The following CSMD1 variants were observed in gnomAD, a reference collection of about 807,000 sequenced individuals.
CSMD1 encodes the protein CUB and sushi domain-containing protein 1.
In CSMD1, 213 loss-of-function variants were observed where a neutral mutation model predicts 417.5. The observed-to-expected ratio is 0.51, with a 90% confidence interval of 0.46 to 0.57. CSMD1 has a LOEUF of 0.57. CSMD1 is among the 20% of genes least tolerant of loss of function. The pLI is 0.00. For synonymous variants in CSMD1, 2,862 were observed against 1,736.8 expected (o/e 1.65, Z -16.11); for missense variants, 6,923 against 4,529.7 (o/e 1.53, Z -15.17).
At chr8:4,113,545 C>T (rs1032306044) in intron 3 of CSMD1, among the ~76,000 whole-genome samples, 1 of 152,036 alleles carries the variant, frequency 6.6e-6, no homozygotes, top group African/African-American at 2.4e-5. Flanking sequence ...GCTGGGATTA[C>T]AGGCACGTGC....
intron 3 of CSMD1, among the ~76,000 whole-genome samples, chr8:4,334,808 C>T (rs1478074272): frequency 6.6e-6 from 1 of 152,154 alleles, no homozygotes; most frequent in East Asian, 1.9e-4. Context: ...TGACAAAATG[C>T]CATATATTCG....
rs34791623 is a variant in CSMD1, at chr8:4,510,390, T to TAAAAAAAAAAA, written c.303-90336_303-90326dup. On this transcript the variant is annotated intron_variant, in intron 2 of 69. Transcript: ENST00000635120. ...GTAGACAATTAAAAAGCATAATGCC[T>TAAAAAAAAAAA]AAAAAAAAAAAAAAAAAAAAAAAAA... Among the ~76,000 whole-genome samples, 78 of 54,634 alleles carry TAAAAAAAAAAA rather than the reference T, an allele frequency of 1.4e-3. 7 individuals are homozygous for TAAAAAAAAAAA. The highest frequency in any genetic ancestry group is 1.8e-3 in the East Asian group (3 of 1,624). The allele number at this position is 54,634 out of a possible 152,430, so 35.8% of individuals were successfully genotyped here. A position where few individuals can be genotyped will look rare whatever the true frequency, so the allele number is the denominator to read the frequency against.
chr8:4,669,265 CCT>C lies in CSMD1; in HGVS notation c.86-31709_86-31708del, dbSNP rs552157918. Reference sequence around the variant, plus strand: ...TAGACATATTTACTACTGATTTTTACCTCTGTTATCGTTTATATTTATTCACT... The same window carrying C: ...TAGACATATTTACTACTGATTTTTACCTGTTATCGTTTATATTTATTCACT... On this transcript the variant is annotated intron_variant, in intron 1 of 69. Transcript: ENST00000635120. Among the ~76,000 whole-genome samples the C allele has an allele frequency of 2.7e-3, 408 of 152,246 alleles. 1 individual carries two copies. The highest frequency in any genetic ancestry group is 4.4e-3 in the Non-Finnish European group (300 of 68,008).
chr8:3,178,849 T>A (rs1353998450), intron 37 of CSMD1, among the ~76,000 whole-genome samples: 1 of 152,062 alleles, frequency 6.6e-6, no homozygotes, highest in Non-Finnish European at 1.5e-5. Context: ...ATTTAAGATA[T>A]CAGAAAATCT....
intron 1 of CSMD1, among the ~76,000 whole-genome samples, chr8:4,733,362 T>C (rs762489410): frequency 4.6e-5 from 7 of 152,222 alleles, no homozygotes; most frequent in Admixed American, 3.3e-4. Flanking sequence ...AAGAGCCTTT[T>C]ACCCTAGCAG....
chr8:4,187,613 T>A (rs1377578100), intron 3 of CSMD1, among the ~76,000 whole-genome samples: 6 of 137,932 alleles, frequency 4.3e-5, no homozygotes, highest in African/African-American at 1.1e-4. Context: ...GATGTGGAGG[T>A]TGCAGTGAGC....
intron 3 of CSMD1, among the ~76,000 whole-genome samples, chr8:4,378,492 C>G (rs1442345664): frequency 1.3e-5 from 2 of 151,722 alleles, no homozygotes; most frequent in African/African-American, 2.4e-5. Context: ...TCCCCTTTAT[C>G]TCTCTCTCTC....
At chr8:3,402,248 C>G (rs758604354) in intron 15 of CSMD1, among the ~76,000 whole-genome samples, 1 of 152,092 alleles carries the variant, frequency 6.6e-6, no homozygotes, top group Non-Finnish European at 1.5e-5. Flanking sequence ...TTTCAATGTT[C>G]AATCCTTAAT....
chr8:4,126,679 A>T (rs1283552945), intron 3 of CSMD1, among the ~76,000 whole-genome samples: 2 of 152,160 alleles, frequency 1.3e-5, no homozygotes, highest in African/African-American at 2.4e-5. Flanking sequence ...CTGAGGGTTT[A>T]TTAATCATTG....
intron 1 of CSMD1, among the ~76,000 whole-genome samples, chr8:4,825,276 C>A (rs1799759724): frequency 6.6e-6 from 1 of 152,064 alleles, no homozygotes; most frequent in Non-Finnish European, 1.5e-5. Flanking sequence ...GACACAATCA[C>A]CCCACTCAAG....
At chr8:3,850,903 T>C (rs1002416170) in intron 5 of CSMD1, among the ~76,000 whole-genome samples, 1 of 151,770 alleles carries the variant, frequency 6.6e-6, no homozygotes. Flanking sequence ...GGAAACAGAG[T>C]TTAAAGTTTT....
chr8:3,138,814 A>G lies in CSMD1; in HGVS notation c.6241+3651T>C, dbSNP rs1044662047. ...GAAATAAGAGCTTAGCCAGAGAGAC[A>G]GCAGATCCTTATAGATGTTGAACGA... On this transcript the variant is annotated intron_variant, in intron 41 of 69. Transcript: ENST00000635120. Among the ~76,000 whole-genome samples the G allele has an allele frequency of 2.6e-5, 4 of 152,366 alleles. No homozygotes were observed. In the East Asian group the frequency reaches 7.7e-4, roughly 29 times the overall value.
chr8:3,343,250 T>A lies in CSMD1; in HGVS notation c.3631+44A>T, dbSNP rs188870839. On this transcript the variant is annotated intron_variant, in intron 23 of 69. Transcript: ENST00000635120. ...TATAAGCCAAGTATCAGATATGTCC[T>A]GACAAAATGAAAAAAGAACGTGATT... The A allele has an allele frequency of 3.8e-5, 59 of 1,557,632 alleles. No homozygotes were observed. In the Admixed American group the frequency reaches 1.0e-3, roughly 27 times the overall value.
At chr8:4,181,688 A>T (rs759525563) in intron 3 of CSMD1, among the ~76,000 whole-genome samples, 1 of 152,086 alleles carries the variant, frequency 6.6e-6, no homozygotes, top group Non-Finnish European at 1.5e-5. Context: ...CAATTCATTT[A>T]TACTTTTTTC....
At chr8:3,355,758 G>A (rs1406669567) in intron 21 of CSMD1, among the ~76,000 whole-genome samples, 2 of 152,110 alleles carry the variant, frequency 1.3e-5, no homozygotes, top group African/African-American at 2.4e-5. Context: ...CCCTAGGTAT[G>A]GACTTTACAT....
At chr8:4,584,647 G>C (rs1563309774) in intron 2 of CSMD1, among the ~76,000 whole-genome samples, 2 of 152,068 alleles carry the variant, frequency 1.3e-5, no homozygotes, top group Non-Finnish European at 2.9e-5. Context: ...CATGTTGGTT[G>C]ACCCTGTGGC....
chr8:4,426,487 ATATAG>A (rs1311302910), intron 2 of CSMD1, among the ~76,000 whole-genome samples: 10 of 148,042 alleles, frequency 6.8e-5, no homozygotes, highest in African/African-American at 9.8e-5. Flanking sequence ...TATATGACAT[ATATAG>A]TAAAGTTTTT....
intron 1 of CSMD1, among the ~76,000 whole-genome samples, chr8:4,854,503 G>A (rs997633612): frequency 9.9e-5 from 15 of 152,134 alleles, no homozygotes; most frequent in East Asian, 3.9e-4. Context: ...CTGAGGTACC[G>A]GGTTCATCTC....
At chr8:3,752,694 A>AC (rs1171293345) in intron 6 of CSMD1, among the ~76,000 whole-genome samples, 4 of 66,598 alleles carry the variant, frequency 6.0e-5, no homozygotes, top group South Asian at 4.7e-4. Flanking sequence ...AAAAAAAAAA[A>AC]AAAAAAAAAA....
Sources: allele counts gnomAD v4.1 joint callset (sites outside exome capture counted in the v4.1 genomes callset), GRCh38; gene constraint gnomAD v4.1.1; transcripts MANE v1.5; gene names NCBI Gene and HGNC (gene_info 2026-07-23, HGNC 2026-07-21).